The following CHAT variants were observed in gnomAD, a reference collection of about 807,000 sequenced individuals.
The protein encoded by CHAT is acetyl CoA:choline O-acetyltransferase.
Under a neutral mutation model 76.9 loss-of-function variants are expected in CHAT, and 61 were observed. That is an observed-to-expected ratio of 0.79 (90% CI 0.65 to 0.98). CHAT has a LOEUF of 0.98. CHAT is among the 50% of genes least tolerant of loss of function. The pLI is 0.00. For missense variants in CHAT, 946 were observed against 986.9 expected, an observed-to-expected ratio of 0.96 and a Z score of 0.56; for synonymous variants, 407 against 397.4, an observed-to-expected ratio of 1.02 and a Z score of -0.29.
rs752962530 is a variant in CHAT at position 49,614,416 on chromosome 10, C to T, written c.227C>T (p.Ala76Val). 1 of 1,547,424 alleles carries T rather than the reference C, an allele frequency of 6.5e-7. No individual in the cohort carries two copies. The highest frequency in any genetic ancestry group is 1.2e-5 in the South Asian group (1 of 83,958). The change falls in exon 1 of 15, where the codon GCC becomes GTC. Residue 76 changes from alanine (A) to valine (V), a missense_variant. Physicochemically the swap from Ala to Val is moderately conservative, Grantham distance 64. Around this residue, in one of 3 missense-constraint regions of CHAT, gnomAD observed 548 missense variants for 516.2 expected, o/e 1.06. Transcript: ENST00000337653. ...RPPPLPAHTP[A>V]HTPEWCGAAS... is the part of the protein sequence containing the mutation. Reference sequence around the variant, plus strand: ...CCACCCCTTCCGGCTCACACCCCCGCCCACACTCCTGAGTGGTGCGGTGCA... The same window carrying T: ...CCACCCCTTCCGGCTCACACCCCCGTCCACACTCCTGAGTGGTGCGGTGCA...
At chr10:49,659,779 A>T (rs4838395) in intron 13 of CHAT, among the ~76,000 whole-genome samples, 129,614 of 152,084 alleles carry the variant, frequency 0.85, 55,558 homozygotes, top group Non-Finnish European at 0.91. Context: ...GGAGAATCAC[A>T]TGAACCCAGG....
At chr10:49,615,157 G>C (rs562746763) in intron 1 of CHAT, among the ~76,000 whole-genome samples, 18 of 151,864 alleles carry the variant, frequency 1.2e-4, no homozygotes, top group African/African-American at 4.4e-4. Flanking sequence ...TCTCCCGAAT[G>C]GGGGGGAGGG....
chr10:49,618,350 G>A (rs1018846126), intron 2 of CHAT, among the ~76,000 whole-genome samples: 2 of 152,192 alleles, frequency 1.3e-5, no homozygotes, highest in Non-Finnish European at 2.9e-5. Flanking sequence ...GCACTTTCAC[G>A]TACATTAGCT....
rs1839838628 is a variant in CHAT, at chr10:49,650,420, A to G, written c.1511+784A>G. 2.0e-5 allele frequency among the ~76,000 whole-genome samples: 3 copies of G among 152,090 alleles called. No homozygotes were observed. The South Asian group carries it at 6.2e-4, about 32-fold the overall frequency. ...GAACCCACAAAAATATAGAAGCTGA[A>G]CTCTGTCAGGACTGTGAGGGAGGGC... On this transcript the variant is annotated intron_variant, in intron 10 of 14. Transcript: ENST00000337653.
intron 2 of CHAT, among the ~76,000 whole-genome samples, chr10:49,617,849 A>T (rs1194861135): frequency 6.6e-6 from 1 of 152,150 alleles, no homozygotes; most frequent in Non-Finnish European, 1.5e-5. Flanking sequence ...CCATCCTCGC[A>T]TCATTCCCCA....
chr10:49,620,476 T>G lies in CHAT; in HGVS notation c.580-19T>G. The G allele has an allele frequency of 6.4e-7, 1 of 1,565,692 alleles. No homozygotes were observed. The highest frequency in any genetic ancestry group is 8.8e-7 in the Non-Finnish European group (1 of 1,137,026). On this transcript the variant is annotated intron_variant, in intron 3 of 14. Coordinates refer to ENST00000337653, the MANE Select transcript of CHAT (RefSeq NM_020549.5). ...ACTGTTTGGGGGGATGTGACGGCCT[T>G]CCCTGCCCTCCCCGGCAGGTGTCTG...
chr10:49,617,451 A>T (rs2132704435), intron 2 of CHAT, among the ~76,000 whole-genome samples: 1 of 152,304 alleles, frequency 6.6e-6, no homozygotes, highest in African/African-American at 2.4e-5. Flanking sequence ...CATTGATCTG[A>T]GACTCCCAGG....
intron 7 of CHAT, among the ~76,000 whole-genome samples, chr10:49,644,739 T>C (rs1292451372): frequency 1.3e-5 from 2 of 152,198 alleles, no homozygotes; most frequent in East Asian, 3.9e-4. Flanking sequence ...GCATGGGGAC[T>C]GGAGACTCCT....
At chr10:49,662,966 C>CT (rs1004012473) in intron 14 of CHAT, among the ~76,000 whole-genome samples, 184 bp downstream of exon 14, 33 of 152,312 alleles carry the variant, frequency 2.2e-4, no homozygotes, top group Admixed American at 7.2e-4. Flanking sequence ...GGCTTGGTGG[C>CT]TTACAACTAT....
chr10:49,616,492 TGGTCCCCA>T lies in CHAT; in HGVS notation c.287-4_290del, dbSNP rs1220137689. ...TGCTGTGTTGATGCTTCCCACTTCT[TGGTCCCCA>T]GGTCCACACCTCTGCATCCCTGCAC... On this transcript the variant is annotated splice_acceptor_variant and splice_polypyrimidine_tract_variant and intron_variant, in intron 1 of 14. Coordinates refer to ENST00000337653, the MANE Select transcript of CHAT (RefSeq NM_020549.5). LOFTEE classifies it high-confidence loss of function. 4 of 1,605,114 alleles carry T rather than the reference TGGTCCCCA, an allele frequency of 2.5e-6. No individual in the cohort carries two copies. The highest frequency in any genetic ancestry group is 3.4e-6 in the Non-Finnish European group (4 of 1,174,392).
chr10:49,657,771 C>G (rs1840077827), intron 13 of CHAT, among the ~76,000 whole-genome samples: 1 of 152,084 alleles, frequency 6.6e-6, no homozygotes, highest in South Asian at 2.1e-4. Flanking sequence ...TAAAATTGAC[C>G]AAGCCAAGAG....
chr10:49,629,920 G>C (rs1271894011), intron 7 of CHAT, among the ~76,000 whole-genome samples: 1 of 152,226 alleles, frequency 6.6e-6, no homozygotes, highest in Admixed American at 6.5e-5. Context: ...GGACAGGGTT[G>C]AGAGTGAAGA....
intron 1 of CHAT, among the ~76,000 whole-genome samples, chr10:49,616,287 T>C (rs1564470212): frequency 6.6e-6 from 1 of 152,044 alleles, no homozygotes; most frequent in Non-Finnish European, 1.5e-5. Flanking sequence ...TAGGAACCAC[T>C]CTCTCCCATA....
At chr10:49,633,216 G>A (rs1055194672) in intron 7 of CHAT, among the ~76,000 whole-genome samples, 5 of 152,276 alleles carry the variant, frequency 3.3e-5, no homozygotes, top group South Asian at 2.1e-4. Context: ...ACAGATTCCC[G>A]GGCCCCAGTG....
intron 7 of CHAT, among the ~76,000 whole-genome samples, chr10:49,645,434 T>C (rs1041210720): frequency 5.9e-5 from 9 of 152,132 alleles, no homozygotes; most frequent in African/African-American, 1.9e-4. Context: ...TAACTTTTGG[T>C]GAACTTTAAA....
chr10:49,644,947 C>G (rs1157265326), intron 7 of CHAT, among the ~76,000 whole-genome samples: 1 of 152,148 alleles, frequency 6.6e-6, no homozygotes, highest in Non-Finnish European at 1.5e-5. Context: ...GCGAGAGCTC[C>G]CACCATTATA....
chr10:49,650,574 G>A (rs767367740), intron 10 of CHAT, among the ~76,000 whole-genome samples: 6 of 152,206 alleles, frequency 3.9e-5, no homozygotes, highest in Non-Finnish European at 8.8e-5. Flanking sequence ...AGACCAGCAA[G>A]TGAGAGAATG....
upstream of CHAT, chr10:49,611,250 C>T: frequency 6.2e-7 from 1 of 1,613,344 alleles, no homozygotes; most frequent in Non-Finnish European, 8.5e-7. Flanking sequence ...TCCTGTTCGC[C>T]TTCGCCGAGG....
upstream of CHAT, chr10:49,612,644 A>G (rs1838332429): frequency 5.6e-6 from 2 of 357,332 alleles, no homozygotes; most frequent in East Asian, 4.5e-5. Flanking sequence ...CCTTCCTTCC[A>G]TTGCTCCCAG....
Sources: allele counts gnomAD v4.1 joint callset (sites outside exome capture counted in the v4.1 genomes callset), GRCh38; gene constraint gnomAD v4.1.1; regional missense constraint gnomAD v4.1.1; transcripts MANE v1.5; gene names NCBI Gene and HGNC (gene_info 2026-07-23, HGNC 2026-07-21).